Variants in REG3G observed in about 807,000 individuals in gnomAD.
REG3G encodes the protein regenerating family member 3 gamma.
REG3G carries 19 observed loss-of-function variants against 20.9 expected under a neutral mutation model. The observed-to-expected ratio is 0.91, with a 90% confidence interval of 0.64 to 1.34. The LOEUF is 1.34. Ranked by LOEUF, REG3G falls within the 40% of genes most tolerant of loss-of-function variation. The pLI is 0.00. For missense variants in REG3G, 235 were observed against 205.0 expected (o/e 1.15, Z -0.89); for synonymous variants, 89 against 77.4 (o/e 1.15, Z -0.79).
At chr2:79,027,215 T>C (rs1345583783) in intron 4 of REG3G, 44 bp downstream of exon 4, 3 of 1,603,952 alleles carry the variant, frequency 1.9e-6, no homozygotes, top group Admixed American at 3.3e-5. Context: ...CAAGGTACTG[T>C]TGTTGCCCAG....
chr2:79,028,080 A>G (rs1349568466), intron 5 of REG3G, 129 bp from the exon 6 acceptor site: 6 of 1,270,560 alleles, frequency 4.7e-6, no homozygotes, highest in Non-Finnish European at 6.8e-6. Flanking sequence ...TTTGAGTCTC[A>G]TTCTCCTGGA....
intron 2 of REG3G, 193 bp downstream of exon 2, chr2:79,026,362 T>C: frequency 1.6e-6 from 1 of 623,662 alleles, no homozygotes; most frequent in Non-Finnish European, 2.8e-6. Context: ...AACAATGGAA[T>C]GAGATGGCTT....
chr2:79,026,857 G>A, intron 3 of REG3G, 26 bp downstream of exon 3: 2 of 1,364,268 alleles, frequency 1.5e-6, no homozygotes, highest in Non-Finnish European at 2.0e-6. Flanking sequence ...TGGGGTTGGA[G>A]GTGATAGGGG....
chr2:79,027,286 T>G (rs1671649677), intron 4 of REG3G, 115 bp downstream of exon 4: 1 of 1,126,756 alleles, frequency 8.9e-7, no homozygotes, highest in African/African-American at 1.6e-5. Context: ...GGAGCTCAGA[T>G]TCTGGGGGAC....
intron 2 of REG3G, 36 bp from the exon 3 acceptor site, chr2:79,026,677 T>A: frequency 3.3e-6 from 5 of 1,521,434 alleles, no homozygotes; most frequent in Non-Finnish European, 4.5e-6. Context: ...CACCCCCTAC[T>A]CTTCATTTTA....
In REG3G at chr2:79,026,764, G is replaced by T. The variant is rs755326628; in HGVS notation, c.128G>T (p.Gly43Val). The T allele has an allele frequency of 3.0e-5, 49 of 1,613,700 alleles. No individual in the cohort carries two copies. The highest frequency in any genetic ancestry group is 1.6e-4 in the Middle Eastern group (1 of 6,078). The change falls in exon 3 of 6, where the codon GGC (glycine) becomes GTC (valine). Residue 43 changes from glycine (G) to valine (V), a missense_variant. Transcript: ENST00000272324. ...LPSPRISCPK[G>V]SKAYGSPCYA... ...TCTCCACGGATCAGCTGTCCCAAAG[G>T]CTCCAAGGCCTATGGCTCCCCCTGC...
chr2:79,028,195 T>C lies in REG3G; in HGVS notation c.461-14T>C. 2 of 1,596,612 alleles carry C rather than the reference T, an allele frequency of 1.3e-6. No individual in the cohort carries two copies. Among genetic ancestry groups the C allele is most frequent in the Non-Finnish European group, 1.7e-6 (2 of 1,164,010 alleles). On this transcript the variant is annotated splice_polypyrimidine_tract_variant and intron_variant, in intron 5 of 5. Coordinates refer to ENST00000272324, the MANE Select transcript of REG3G (RefSeq NM_001008387.3). ...TTCCCCCAGCCCCATGCCTTTTATA[T>C]TCTGTCTCCCTAGGATTTCTGAAGT...
chr2:79,026,585 C>T (rs549782425), intron 2 of REG3G, 128 bp from the exon 3 acceptor site: 5 of 763,220 alleles, frequency 6.6e-6, no homozygotes, highest in East Asian at 5.0e-5. Context: ...TCTGAAAACA[C>T]AAGGGAAGAT....
In REG3G at chr2:79,028,199, G is replaced by C. The variant is rs2290079; in HGVS notation, c.461-10G>C. The C allele has an allele frequency of 0.45, 723,823 of 1,594,358 alleles. 167,722 individuals are homozygous for C. Among genetic ancestry groups the C allele is most frequent in the Non-Finnish European group, 0.47 (550,412 of 1,162,272 alleles). Reference sequence around the variant, plus strand: ...CCCAGCCCCATGCCTTTTATATTCTGTCTCCCTAGGATTTCTGAAGTGGAA... The same window carrying C: ...CCCAGCCCCATGCCTTTTATATTCTCTCTCCCTAGGATTTCTGAAGTGGAA... On this transcript the variant is annotated splice_polypyrimidine_tract_variant and intron_variant, in intron 5 of 5. Transcript: ENST00000272324.
In REG3G at chr2:79,026,224, A is replaced by G. The variant is rs113249019; in HGVS notation, c.76+55A>G. The G allele has an allele frequency of 1.3e-4, 210 of 1,566,950 alleles. 4 individuals carry two copies. The African/African-American group carries it at 2.3e-3, about 17-fold the overall frequency. On this transcript the variant is annotated intron_variant, in intron 2 of 5. Transcript: ENST00000272324. ...TCCCTATGAATCCTCAGAGCCAAGA[A>G]AAGGAGGAAGGCTCCTGTGTGTCAC...
Position 79,028,264 on chromosome 2 carries a change from G to C in REG3G, c.516G>C (p.Lys172Asn). 2 of 1,612,292 alleles carry C rather than the reference G, an allele frequency of 1.2e-6. No individual in the cohort carries two copies. Among genetic ancestry groups the C allele is most frequent in the Non-Finnish European group, 1.7e-6 (2 of 1,178,434 alleles). The change falls in exon 6 of 6, where the codon AAG becomes AAC. Residue 172 changes from lysine to asparagine, a missense_variant. Transcript: ENST00000272324. Reference sequence around the variant, plus strand: ...ATGCAAAGTTACCCTATGTCTGCAAGTTCAAGGACTAGGGCAGGTGGGAAG... The same window carrying C: ...ATGCAAAGTTACCCTATGTCTGCAACTTCAAGGACTAGGGCAGGTGGGAAG... ...NCDAKLPYVC[K>N]FKD
Position 79,026,887 on chromosome 2 carries a change from G to C in REG3G, c.195+56G>C, listed in dbSNP as rs1671636764. 4.7e-6 allele frequency: 6 copies of C among 1,284,764 alleles called. No homozygotes were observed. The South Asian group carries it at 8.7e-5, about 19-fold the overall frequency. The allele number at this position is 1,284,764 out of a possible 1,614,324, so 79.6% of individuals were successfully genotyped here. A position where few individuals can be genotyped will look rare whatever the true frequency, so the allele number is the denominator to read the frequency against. ...TAGGGGAAAGTCCATGCAGGTCTCA[G>C]GGGGAGGAGGGTCTCCTTCAGGAGA... On this transcript the variant is annotated intron_variant, in intron 3 of 5. Coordinates refer to ENST00000272324, the MANE Select transcript of REG3G (RefSeq NM_001008387.3).
At position 79,027,807 on chromosome 2, in the gene REG3G, G is replaced by A. The variant is rs1671662505; in HGVS notation, c.334G>A (p.Gly112Ser). 1.2e-6 allele frequency: 2 copies of A among 1,613,944 alleles called. No homozygotes were observed. Among genetic ancestry groups the A allele is most frequent in the Non-Finnish European group, 8.5e-7 (1 of 1,179,916 alleles). The part of the protein sequence containing the change: ...IWIGLHDPTQ[G>S]SEPDGDGWEW... The stretch of plus-strand genomic sequence containing the variant: ...CCTGGCTGCCTCCTCTTCTCTATAG[G>A]GCTCTGAGCCTGATGGAGATGGATG... Residue 112 changes from glycine (G) to serine (S), a missense_variant and splice_region_variant, in exon 5 of 6, where the codon GGC (glycine) becomes AGC (serine). Physicochemically the swap from Gly to Ser is moderately conservative, Grantham distance 56. Coordinates refer to ENST00000272324, the MANE Select transcript of REG3G (RefSeq NM_001008387.3).
At position 79,026,074 on chromosome 2, in the gene REG3G, C is replaced by T. The variant is rs773356872; in HGVS notation, c.-20C>T. 9 of 1,613,366 alleles carry T rather than the reference C, an allele frequency of 5.6e-6. No homozygotes were observed. The highest frequency in any genetic ancestry group is 2.2e-5 in the East Asian group (1 of 44,838). On this transcript the variant is annotated 5_prime_UTR_variant, in exon 2 of 6. Coordinates refer to ENST00000272324, the MANE Select transcript of REG3G (RefSeq NM_001008387.3). Reference sequence around the variant, plus strand: ...ACACTTCCTTTAGTGACCCGATTGCCTCCTCAAGTCGCAGACACTATGCTG... The same window carrying T: ...ACACTTCCTTTAGTGACCCGATTGCTTCCTCAAGTCGCAGACACTATGCTG...
intron 1 of REG3G, 73 bp from the exon 2 acceptor site, chr2:79,025,910 G>A (rs961779957): frequency 2.0e-5 from 12 of 610,868 alleles, no homozygotes; most frequent in Middle Eastern, 3.4e-4. Flanking sequence ...AGGTCTCAGG[G>A]ATGGGTGAGT....
Position 79,027,899 on chromosome 2 carries a change from C to A in REG3G, c.426C>A (p.Asn142Lys), listed in dbSNP as rs764856220. The change falls in exon 5 of 6, where the codon AAC becomes AAA. Residue 142 changes from asparagine to lysine, a missense_variant. Asn to Lys is a moderately conservative substitution (Grantham distance 94). Coordinates refer to ENST00000272324, the MANE Select transcript of REG3G (RefSeq NM_001008387.3). ...AGAAAAATCCCTCCACCATCTTAAACCCTGGCCACTGTGGGAGCCTGTCAA... is the reference window on the plus strand; with the variant it reads ...AGAAAAATCCCTCCACCATCTTAAAACCTGGCCACTGTGGGAGCCTGTCAA... ...AWEKNPSTILNPGHCGSLSRS... is the reference protein window; with the variant it reads ...AWEKNPSTILKPGHCGSLSRS... 4 of 1,614,056 alleles carry A rather than the reference C, an allele frequency of 2.5e-6. No homozygotes were observed. The highest frequency in any genetic ancestry group is 3.4e-6 in the Non-Finnish European group (4 of 1,179,976).
chr2:79,026,375 A>C, intron 2 of REG3G: 1 of 616,962 alleles, frequency 1.6e-6, no homozygotes. Context: ...GATGGCTTCC[A>C]TTTAGTCAGT....
Position 79,027,149 on chromosome 2 carries a change from T to A in REG3G, c.311T>A (p.Ile104Asn). Residue 104 changes from isoleucine to asparagine, a missense_variant, in exon 4 of 6, where the codon ATT becomes AAT. Coordinates refer to ENST00000272324, the MANE Select transcript of REG3G (RefSeq NM_001008387.3). Reference sequence around the variant, plus strand: ...AGTAACAGCTATTCATACATCTGGATTGGGCTCCATGACCCCACACAGGTG... The same window carrying A: ...AGTAACAGCTATTCATACATCTGGAATGGGCTCCATGACCCCACACAGGTG... ...SISNSYSYIW[I>N]GLHDPTQGSE... 3 of 1,613,834 alleles carry A rather than the reference T, an allele frequency of 1.9e-6. No individual in the cohort carries two copies. The highest frequency in any genetic ancestry group is 2.5e-6 in the Non-Finnish European group (3 of 1,179,818).
At position 79,027,165 on chromosome 2, in the gene REG3G, C is replaced by T; in HGVS notation, c.327C>T (p.Pro109=). The T allele has an allele frequency of 6.2e-7, 1 of 1,613,764 alleles. No homozygotes were observed. Among genetic ancestry groups the T allele is most frequent in the South Asian group, 1.1e-5 (1 of 91,060 alleles). ...ACATCTGGATTGGGCTCCATGACCC[C>T]ACACAGGTGCGAGTATATCCTCCCC... ...YSYIWIGLHD[P]TQGSEPDGDG... The change falls in exon 4 of 6, where the codon CCC becomes CCT. Residue 109 remains proline, a synonymous_variant. Coordinates refer to ENST00000272324, the MANE Select transcript of REG3G (RefSeq NM_001008387.3).
Sources: gnomAD v4.1 joint callset for allele counts on GRCh38, gnomAD v4.1.1 for gene constraint, MANE v1.5 for transcripts, NCBI Gene and HGNC (gene_info 2026-07-23, HGNC 2026-07-21) for gene names.